Variants in PHACTR3 observed in about 807,000 individuals in gnomAD.
The protein encoded by PHACTR3 is protein phosphatase 1, regulatory subunit 123.
In PHACTR3, 16 loss-of-function variants were observed where a neutral mutation model predicts 66.8. The ratio of observed to expected loss-of-function variants is 0.24; its 90% CI spans 0.16 to 0.36. The LOEUF (loss-of-function observed/expected upper bound fraction) is 0.36. Ranked by LOEUF, PHACTR3 falls within the 10% of genes least tolerant of loss-of-function variation. The pLI is 1.00. For synonymous variants in PHACTR3, 323 were observed against 292.1 expected, an observed-to-expected ratio of 1.11 and a Z score of -1.08; for missense variants, 647 against 719.9, an observed-to-expected ratio of 0.90 and a Z score of 1.16.
intron 1 of PHACTR3, among the ~76,000 whole-genome samples, chr20:59,700,945 A>AC (rs1282108369): frequency 7.1e-6 from 1 of 141,516 alleles, no homozygotes; most frequent in Non-Finnish European, 1.5e-5. Context: ...GCACCACACT[A>AC]TGTCTGGCTA....
chr20:59,813,234 A>G (rs2147025350), intron 8 of PHACTR3, among the ~76,000 whole-genome samples: 1 of 152,270 alleles, frequency 6.6e-6, no homozygotes, highest in South Asian at 2.1e-4. Context: ...CTGAGGAGCG[A>G]ACACACCTGA....
chr20:59,646,672 G>A (rs2146439027), intron 1 of PHACTR3, among the ~76,000 whole-genome samples: 1 of 152,322 alleles, frequency 6.6e-6, no homozygotes, highest in South Asian at 2.1e-4. Context: ...TACCAGTCCA[G>A]GCCTGGAGGG....
intron 1 of PHACTR3, among the ~76,000 whole-genome samples, chr20:59,699,065 G>T (rs1441895341): frequency 6.6e-6 from 1 of 152,194 alleles, no homozygotes; most frequent in Non-Finnish European, 1.5e-5. Flanking sequence ...TAACTGGAAA[G>T]GAGTGTTGTT....
intron 12 of PHACTR3, among the ~76,000 whole-genome samples, chr20:59,845,917 T>C (rs1382587609): frequency 1.3e-5 from 2 of 152,202 alleles, no homozygotes; most frequent in African/African-American, 4.8e-5. Flanking sequence ...ACTGGGCTTC[T>C]TAGTGATGAC....
intron 8 of PHACTR3, among the ~76,000 whole-genome samples, chr20:59,831,294 C>T (rs950273943): frequency 1.3e-5 from 2 of 152,226 alleles, no homozygotes; most frequent in East Asian, 3.9e-4. Flanking sequence ...CTCTTCCTGG[C>T]TCCCCAGCCC....
At chr20:59,763,151 T>C (rs1034075644) in intron 4 of PHACTR3, among the ~76,000 whole-genome samples, 22 of 152,196 alleles carry the variant, frequency 1.4e-4, no homozygotes, top group Admixed American at 1.3e-4. Context: ...ATTCTCACAA[T>C]AGTGAGTTCT....
intron 7 of PHACTR3, among the ~76,000 whole-genome samples, chr20:59,777,971 C>T (rs926191015): frequency 6.6e-6 from 1 of 152,088 alleles, no homozygotes; most frequent in Non-Finnish European, 1.5e-5. Flanking sequence ...TTCCCATCTG[C>T]GCCCTGTGCT....
intron 1 of PHACTR3, among the ~76,000 whole-genome samples, chr20:59,704,048 A>T (rs960606737): frequency 1.3e-5 from 2 of 152,192 alleles, no homozygotes; most frequent in African/African-American, 4.8e-5. Context: ...TTTACAAAAA[A>T]TCTTTAGCAG....
At chr20:59,678,538 G>A (rs2036532441) in intron 1 of PHACTR3, among the ~76,000 whole-genome samples, 1 of 152,154 alleles carries the variant, frequency 6.6e-6, no homozygotes, top group South Asian at 2.1e-4. Context: ...GAAGCTCTTG[G>A]TGCTGAGCCT....
At chr20:59,826,912 T>C (rs901561097) in intron 8 of PHACTR3, among the ~76,000 whole-genome samples, 2 of 152,318 alleles carry the variant, frequency 1.3e-5, no homozygotes, top group African/African-American at 2.4e-5. Flanking sequence ...TACAGGTAGA[T>C]GCGAGTTTGG....
chr20:59,757,326 G>A (rs922540507), intron 4 of PHACTR3, among the ~76,000 whole-genome samples: 3 of 152,250 alleles, frequency 2.0e-5, no homozygotes, highest in Admixed American at 6.5e-5. Context: ...TCTCTCTCCA[G>A]ATGCTGGGTG....
chr20:59,749,291 C>T (rs1216661684), intron 3 of PHACTR3, among the ~76,000 whole-genome samples: 1 of 150,010 alleles, frequency 6.7e-6, no homozygotes, highest in East Asian at 2.1e-4. Flanking sequence ...GGCCTTTTCT[C>T]ATCTATTCTA....
intron 1 of PHACTR3, among the ~76,000 whole-genome samples, chr20:59,742,797 G>A (rs1188678812): frequency 6.6e-6 from 1 of 152,242 alleles, no homozygotes; most frequent in Non-Finnish European, 1.5e-5. Flanking sequence ...ACGAGCAAGG[G>A]TCCTGGGCAG....
rs537347528 is a variant in PHACTR3 at position 59,830,807 on chromosome 20, A to T, written c.1329-5698A>T. Among the ~76,000 whole-genome samples the T allele has an allele frequency of 3.3e-5, 5 of 152,300 alleles. No homozygotes were observed. The highest frequency in any genetic ancestry group is 1.2e-4 in the African/African-American group (5 of 41,552). The stretch of plus-strand genomic sequence containing the variant: ...CTCAAGTAAGGGAGGGCGTGACGCC[A>T]TCACCCAGCTGGCAGGGGTCAGAGC... On this transcript the variant is annotated intron_variant, in intron 8 of 12. Transcript: ENST00000371015. The surrounding 1 kb of genome is among the most constrained non-coding windows in gnomAD (Gnocchi z 5.8).
At chr20:59,809,667 T>C (rs2041675873) in intron 8 of PHACTR3, among the ~76,000 whole-genome samples, 1 of 152,172 alleles carries the variant, frequency 6.6e-6, no homozygotes, top group Non-Finnish European at 1.5e-5. Flanking sequence ...GGCTGTCAGA[T>C]TGCTGATCAT....
At chr20:59,679,170 C>T (rs547789025) in intron 1 of PHACTR3, among the ~76,000 whole-genome samples, 1 of 152,038 alleles carries the variant, frequency 6.6e-6, no homozygotes, top group Non-Finnish European at 1.5e-5. Context: ...ATCCTGTCCA[C>T]GCGGTTGAAG....
At chr20:59,838,852 A>G (rs2059010292) in intron 9 of PHACTR3, among the ~76,000 whole-genome samples, 1 of 152,122 alleles carries the variant, frequency 6.6e-6, no homozygotes, top group African/African-American at 2.4e-5. Context: ...AGAAATCCAT[A>G]AACATATCAC....
At chr20:59,647,807 T>C (rs2035335384) in intron 1 of PHACTR3, among the ~76,000 whole-genome samples, 1 of 152,224 alleles carries the variant, frequency 6.6e-6, no homozygotes, top group African/African-American at 2.4e-5. Context: ...CCACCCTTAA[T>C]GTGCTTGTGA....
At chr20:59,798,920 C>T (rs2041332896) in intron 7 of PHACTR3, among the ~76,000 whole-genome samples, 1 of 151,958 alleles carries the variant, frequency 6.6e-6, no homozygotes, top group African/African-American at 2.4e-5. Flanking sequence ...TGAGACCTTT[C>T]TTCTTTTTTA....
Sources: gnomAD v4.1 joint callset for allele counts (sites outside exome capture counted in the v4.1 genomes callset) on GRCh38, gnomAD v4.1.1 for gene constraint, Gnocchi (gnomAD v3.1) non-coding constraint, MANE v1.5 for transcripts, NCBI Gene and HGNC (gene_info 2026-07-23, HGNC 2026-07-21) for gene names.